STRN: variants seen among roughly 807,000 people sequenced by gnomAD.
STRN encodes striatin.
STRN carries 53 observed loss-of-function variants against 96.3 expected under a neutral mutation model. The ratio of observed to expected loss-of-function variants is 0.55; its 90% CI spans 0.44 to 0.69. STRN has a LOEUF of 0.69. Ranked by LOEUF, STRN falls within the 30% of genes least tolerant of loss-of-function variation. The pLI, the probability that STRN is intolerant of heterozygous loss-of-function variation, is 0.00. For synonymous variants in STRN, 428 were observed against 355.9 expected (o/e 1.20, Z -2.28); for missense variants, 987 against 963.9 (o/e 1.02, Z -0.32).
chr2:36,937,102 G>A (rs1334314646), intron 1 of STRN, among the ~76,000 whole-genome samples: 20 of 152,140 alleles, frequency 1.3e-4, no homozygotes, highest in Admixed American at 1.3e-3. Flanking sequence ...CCAGCACTTT[G>A]GGAGGCCAAG....
At chr2:36,864,510 T>C (rs1277730053) in intron 12 of STRN, among the ~76,000 whole-genome samples, 2 of 152,208 alleles carry the variant, frequency 1.3e-5, no homozygotes, top group African/African-American at 4.8e-5. Context: ...AAAGCCTGCC[T>C]GATTGTGGTG....
chr2:36,917,786 C>T (rs923355277), intron 2 of STRN, among the ~76,000 whole-genome samples: 2 of 151,754 alleles, frequency 1.3e-5, no homozygotes, highest in Non-Finnish European at 2.9e-5. Flanking sequence ...ATATCTTACA[C>T]GTATGTATGA....
chr2:36,960,050 GAGT>G (rs1386224741), intron 1 of STRN, among the ~76,000 whole-genome samples: 1 of 152,158 alleles, frequency 6.6e-6, no homozygotes, highest in Admixed American at 6.5e-5. Flanking sequence ...TCAAGAATAT[GAGT>G]AGAATGAAAA....
At chr2:36,901,404 T>A (rs973184362) in intron 5 of STRN, among the ~76,000 whole-genome samples, 4 of 151,934 alleles carry the variant, frequency 2.6e-5, no homozygotes, top group African/African-American at 9.7e-5. Context: ...TACAAAAAAT[T>A]AGCTGGGTGC....
chr2:36,916,994 T>C (rs976183315), intron 2 of STRN, among the ~76,000 whole-genome samples: 64 of 150,778 alleles, frequency 4.2e-4, no homozygotes, highest in African/African-American at 1.4e-3. Context: ...ATAATAAATA[T>C]TCAATGTGTT....
intron 9 of STRN, among the ~76,000 whole-genome samples, chr2:36,883,463 C>CT (rs1378342293): frequency 6.7e-6 from 1 of 149,414 alleles, no homozygotes; most frequent in African/African-American, 2.5e-5. Flanking sequence ...TCTCAAAAAA[C>CT]AAAAAAAAAG....
intron 9 of STRN, among the ~76,000 whole-genome samples, chr2:36,878,942 G>A (rs545160622): frequency 3.3e-5 from 5 of 151,730 alleles, no homozygotes; most frequent in South Asian, 2.1e-4. Context: ...TAGTAGAGAC[G>A]GGGTTTCACC....
intron 4 of STRN, among the ~76,000 whole-genome samples, chr2:36,903,457 T>G (rs1434807567): frequency 1.3e-5 from 2 of 152,198 alleles, no homozygotes; most frequent in Non-Finnish European, 2.9e-5. Context: ...ATATTGTACC[T>G]GGCATATAGA....
chr2:36,900,606 A>G (rs916367588), intron 5 of STRN, among the ~76,000 whole-genome samples: 7 of 152,142 alleles, frequency 4.6e-5, no homozygotes, highest in African/African-American at 1.7e-4. Context: ...TTTAGTAAAG[A>G]CTGGCTGGAC....
In STRN at chr2:36,884,837, T is replaced by A. The variant is rs74795487; in HGVS notation, c.1043-762A>T. On this transcript the variant is annotated intron_variant, in intron 8 of 17. Transcript: ENST00000263918. ...TACTAGTTCAATTAAAAAAAAAAAA[T>A]TTATGGTGGTTTATAACTCAATGCT... 3.3e-4 allele frequency among the ~76,000 whole-genome samples: 50 copies of A among 152,020 alleles called. No homozygotes were observed. The East Asian group carries it at 3.7e-3, about 11-fold the overall frequency.
chr2:36,966,146 T>C (rs1264298195), intron 1 of STRN, 84 bp downstream of exon 1: 2 of 1,062,618 alleles, frequency 1.9e-6, no homozygotes, highest in South Asian at 2.7e-5. Context: ...GCGAGAAGGC[T>C]GGGGGAGGGG....
chr2:36,904,859 T>C (rs1270595224), intron 4 of STRN, among the ~76,000 whole-genome samples: 1 of 152,050 alleles, frequency 6.6e-6, no homozygotes, highest in African/African-American at 2.4e-5. Context: ...AATGAATGAA[T>C]GAATGAAATA....
intron 1 of STRN, among the ~76,000 whole-genome samples, chr2:36,957,976 G>C (rs1051738526): frequency 2.0e-5 from 3 of 146,344 alleles, no homozygotes; most frequent in Non-Finnish European, 3.0e-5. Flanking sequence ...CTGGAGTACA[G>C]TGGCGCGATC....
At chr2:36,887,314 T>TACAA (rs1669265071) in intron 7 of STRN, among the ~76,000 whole-genome samples, 2 of 148,254 alleles carry the variant, frequency 1.3e-5, no homozygotes, top group East Asian at 4.0e-4. Context: ...AATAAATAAA[T>TACAA]ACAAAATTAG....
intron 3 of STRN, among the ~76,000 whole-genome samples, chr2:36,915,191 C>T (rs1204455584): frequency 4.1e-5 from 5 of 122,208 alleles, no homozygotes; most frequent in African/African-American, 1.4e-4. Flanking sequence ...AGCAAGACTC[C>T]GTCTCAAAAA....
At chr2:36,852,833 G>A (rs1297063882) in intron 15 of STRN, among the ~76,000 whole-genome samples, 3 of 152,146 alleles carry the variant, frequency 2.0e-5, no homozygotes, top group Non-Finnish European at 4.4e-5. Context: ...CCCAATGCTA[G>A]TGGCAGGTAA....
chr2:36,856,490 A>T (rs1304341856), intron 14 of STRN, among the ~76,000 whole-genome samples: 3 of 152,244 alleles, frequency 2.0e-5, no homozygotes, highest in African/African-American at 4.8e-5. Context: ...ACACAAATGA[A>T]TTTCCAAAAC....
chr2:36,945,203 CT>C (rs551643947), intron 1 of STRN, among the ~76,000 whole-genome samples: 63 of 151,808 alleles, frequency 4.1e-4, no homozygotes, highest in Admixed American at 1.0e-3. Context: ...TATAAAGATA[CT>C]TTTTTAAAAG....
At chr2:36,900,838 A>T (rs981830640) in intron 5 of STRN, among the ~76,000 whole-genome samples, 3 of 152,134 alleles carry the variant, frequency 2.0e-5, no homozygotes, top group African/African-American at 7.2e-5. Context: ...GGTTGCAGTA[A>T]GCTGAGATCG....
Sources: allele counts gnomAD v4.1 joint callset (sites outside exome capture counted in the v4.1 genomes callset), GRCh38; gene constraint gnomAD v4.1.1; transcripts MANE v1.5; gene names NCBI Gene and HGNC (gene_info 2026-07-23, HGNC 2026-07-21).